The following NHSL2 variants were observed in gnomAD, a reference collection of about 807,000 sequenced individuals.
NHSL2 encodes NHS-like protein 2.
A neutral mutation model predicts 53.4 loss-of-function variants in NHSL2; 27 were observed. The ratio of observed to expected loss-of-function variants is 0.51; its 90% CI spans 0.37 to 0.70. The LOEUF (loss-of-function observed/expected upper bound fraction) is 0.70, where lower values mean the gene tolerates loss of function less well. NHSL2 is among the 30% of genes least tolerant of loss of function. The pLI, the probability that NHSL2 is intolerant of heterozygous loss-of-function variation, is 0.00. For synonymous variants in NHSL2, 408 were observed against 404.1 expected (o/e 1.01, Z -0.12); for missense variants, 892 against 980.1 (o/e 0.91, Z 1.20).
At chrX:72,080,733 C>T (rs1272120332) in intron 1 of NHSL2, among the ~76,000 whole-genome samples, 3 of 111,275 alleles carry the variant, frequency 2.7e-5, no homozygotes, top group Non-Finnish European at 5.7e-5. Flanking sequence ...GCCTCCTGGA[C>T]TCCTGCTAAA....
In NHSL2 at chrX:72,140,340, G is replaced by A. The variant is rs747672319; in HGVS notation, c.2792G>A (p.Ser931Asn). The A allele has an allele frequency of 9.9e-6, 12 of 1,209,413 alleles. No homozygotes were observed. In the Admixed American group the frequency reaches 2.6e-4, roughly 26 times the overall value. ...GTAGTGCGGAAACCAAAGCCCTCCA[G>A]CTTCCCAGATGGCAGAAGCCCAGGG... is the stretch of plus-strand genomic sequence containing the variant. ...YTVVRKPKPS[S>N]FPDGRSPGES... The change falls in exon 6 of 8, where the codon AGC becomes AAC. Residue 931 changes from serine (S) to asparagine (N), a missense_variant. Ser to Asn is a conservative substitution (Grantham distance 46, BLOSUM62 1). Transcript: ENST00000633930.
chrX:72,110,724 T>A (rs1602376804), intron 1 of NHSL2, among the ~76,000 whole-genome samples: 1 of 46,762 alleles, frequency 2.1e-5, no homozygotes, highest in African/African-American at 8.4e-5. Context: ...TCCTCCCACC[T>A]AAAAAAAAAA....
chrX:72,122,911 A>AT (rs1365700490), intron 1 of NHSL2, among the ~76,000 whole-genome samples: 1 of 113,076 alleles, frequency 8.8e-6, no homozygotes, highest in East Asian at 2.8e-4. Context: ...CAAAGAGGAC[A>AT]AGTCCATGTT....
Position 71,942,328 on chromosome X carries a change from G to A in NHSL2, c.280+30961G>A, listed in dbSNP as rs2041770027. Among the ~76,000 whole-genome samples the A allele has an allele frequency of 7.1e-5, 8 of 111,910 alleles. No homozygotes were observed. In the South Asian group the frequency reaches 3.0e-3, roughly 42 times the overall value. On this transcript the variant is annotated intron_variant, in intron 1 of 7. Transcript: ENST00000633930. ...CTTTTCCTTACAGCTTGATACAGAT[G>A]GGTAAAGATTCTTTTTCCCCTGAAG...
intron 1 of NHSL2, among the ~76,000 whole-genome samples, chrX:71,942,994 G>C (rs1463787150): frequency 1.0e-4 from 11 of 107,979 alleles, no homozygotes; most frequent in African/African-American, 3.4e-4. Context: ...GTGTGTGTGT[G>C]TGTGTGTGTG....
rs1177954773 is a variant in NHSL2 at position 72,070,428 on chromosome X, G to A, written c.281-61651G>A. On this transcript the variant is annotated intron_variant, in intron 1 of 7. Coordinates refer to ENST00000633930, the MANE Select transcript of NHSL2 (RefSeq NM_001013627.3). ...CCCCTCTCCAGATATGGACTCAAGG[G>A]TGCTGGCATAGTTCTCCCCAACAAC... Among the ~76,000 whole-genome samples the A allele has an allele frequency of 2.7e-5, 3 of 111,063 alleles. No homozygotes were observed. The East Asian group carries it at 8.4e-4, about 31-fold the overall frequency.
chrX:71,938,010 G>A (rs911895539), intron 1 of NHSL2, among the ~76,000 whole-genome samples: 8 of 112,050 alleles, frequency 7.1e-5, no homozygotes, highest in East Asian at 5.6e-4. Context: ...CTTCTGTGCC[G>A]TTGGCCAGAA....
intron 1 of NHSL2, among the ~76,000 whole-genome samples, chrX:72,000,580 T>C (rs925962708): frequency 1.8e-5 from 2 of 112,069 alleles, no homozygotes; most frequent in Non-Finnish European, 3.8e-5. Context: ...CATTCCTTCT[T>C]AGGACTCTAC....
chrX:71,934,398 G>A (rs1162800579), intron 1 of NHSL2, among the ~76,000 whole-genome samples: 2 of 111,608 alleles, frequency 1.8e-5, no homozygotes, highest in Non-Finnish European at 3.8e-5. Flanking sequence ...TGAATTCAAT[G>A]CACGTGGATA....
At chrX:72,053,113 A>G (rs555304062) in intron 1 of NHSL2, among the ~76,000 whole-genome samples, 1 of 112,465 alleles carries the variant, frequency 8.9e-6, no homozygotes. Flanking sequence ...TGTTGAGAAG[A>G]ACATAATGAC....
intron 1 of NHSL2, among the ~76,000 whole-genome samples, chrX:71,929,415 C>A (rs2041701890): frequency 8.9e-6 from 1 of 112,532 alleles, no homozygotes; most frequent in East Asian, 2.8e-4. Context: ...ATTGCTAACA[C>A]TTCTGTGGTT....
intron 1 of NHSL2, among the ~76,000 whole-genome samples, chrX:72,096,815 G>T (rs917083407): frequency 9.0e-6 from 1 of 111,386 alleles, no homozygotes; most frequent in Non-Finnish European, 1.9e-5. Flanking sequence ...TAGAGACTGG[G>T]TCTCACTGTG....
At chrX:72,054,225 A>G (rs2042355826) in intron 1 of NHSL2, among the ~76,000 whole-genome samples, 1 of 111,316 alleles carries the variant, frequency 9.0e-6, no homozygotes, top group East Asian at 2.8e-4. Context: ...TGCATATGTC[A>G]ATGACAGGTT....
At chrX:72,002,207 C>T (rs1420848584) in intron 1 of NHSL2, among the ~76,000 whole-genome samples, 1 of 111,746 alleles carries the variant, frequency 8.9e-6, no homozygotes, top group African/African-American at 3.3e-5. Flanking sequence ...ACACAGTCCC[C>T]ACTACTCCGT....
chrX:72,042,224 G>A lies in NHSL2; in HGVS notation c.281-89855G>A, dbSNP rs73635611. On this transcript the variant is annotated intron_variant, in intron 1 of 7. Coordinates refer to ENST00000633930, the MANE Select transcript of NHSL2 (RefSeq NM_001013627.3). ...TCTCTCTCTTCAATCCCTAGTCCCTGTGATTTCAGCAGGAAAATATCTAGA... is the reference window on the plus strand; with the variant it reads ...TCTCTCTCTTCAATCCCTAGTCCCTATGATTTCAGCAGGAAAATATCTAGA... 2.0e-3 allele frequency among the ~76,000 whole-genome samples: 227 copies of A among 112,924 alleles called. 1 individual carries two copies. The highest frequency in any genetic ancestry group is 6.7e-3 in the African/African-American group (207 of 31,097).
At chrX:72,108,272 T>C (rs2042062220) in intron 1 of NHSL2, among the ~76,000 whole-genome samples, 1 of 112,251 alleles carries the variant, frequency 8.9e-6, no homozygotes, top group South Asian at 3.7e-4. Flanking sequence ...TACTTGCCCT[T>C]ACATTAACTC....
At chrX:72,023,867 G>A (rs1382779393) in intron 1 of NHSL2, among the ~76,000 whole-genome samples, 1 of 112,158 alleles carries the variant, frequency 8.9e-6, no homozygotes, top group Non-Finnish European at 1.9e-5. Flanking sequence ...GTGGGAGAGG[G>A]CCTGAGCCAA....
intron 1 of NHSL2, among the ~76,000 whole-genome samples, chrX:72,018,969 G>A (rs1468103478): frequency 8.8e-6 from 1 of 113,154 alleles, no homozygotes; most frequent in Admixed American, 9.2e-5. Context: ...GAGTGATGGG[G>A]CCGACACGGC....
In NHSL2 at chrX:72,089,745, A is replaced by G. The variant is rs182132171; in HGVS notation, c.281-42334A>G. On this transcript the variant is annotated intron_variant, in intron 1 of 7. Coordinates refer to ENST00000633930, the MANE Select transcript of NHSL2 (RefSeq NM_001013627.3). ...TGGGGGATCTGGGATGGAGGAGTGT[A>G]GAAGGAAACCAAGTTTTAGAATGCA... is the stretch of plus-strand genomic sequence containing the variant. 6.1e-3 allele frequency among the ~76,000 whole-genome samples: 675 copies of G among 110,911 alleles called. 5 individuals are homozygous for G. Among genetic ancestry groups the G allele is most frequent in the Non-Finnish European group, 9.8e-3 (519 of 52,878 alleles).
Sources: allele counts gnomAD v4.1 joint callset (sites outside exome capture counted in the v4.1 genomes callset), GRCh38; gene constraint gnomAD v4.1.1; transcripts MANE v1.5; gene names NCBI Gene and HGNC (gene_info 2026-07-23, HGNC 2026-07-21).